Variants in RP1 observed in about 807,000 individuals in gnomAD.
RP1 encodes the protein oxygen-regulated protein 1.
A neutral mutation model predicts 14.8 loss-of-function variants in RP1; 16 were observed. The observed-to-expected ratio is 1.08, with a 90% CI of 0.73 to 1.65. The LOEUF is 1.65. RP1 is among the 40% of genes most tolerant of loss of function. RP1 has a pLI of 0.00. For missense variants in RP1, 2,631 were observed against 2,535.0 expected (o/e 1.04, Z -0.81); for synonymous variants, 876 against 883.6 (o/e 0.99, Z 0.15).
At chr8:54,690,222 C>T (rs1314751061) in intron 12 of RP1, among the ~76,000 whole-genome samples, 1 of 151,974 alleles carries the variant, frequency 6.6e-6, no homozygotes, top group African/African-American at 2.4e-5. Flanking sequence ...GAGGTCATTG[C>T]TAATAGTTAA....
At chr8:54,659,469 C>T (rs972837239) in intron 6 of RP1, among the ~76,000 whole-genome samples, 21 of 152,120 alleles carry the variant, frequency 1.4e-4, no homozygotes, top group Non-Finnish European at 1.9e-4. Flanking sequence ...GTTTAGTCAA[C>T]ACCATTTATC....
downstream of RP1, among the ~76,000 whole-genome samples, chr8:54,772,063 G>A (rs1809923387): frequency 6.6e-6 from 1 of 152,060 alleles, no homozygotes; most frequent in Non-Finnish European, 1.5e-5. Flanking sequence ...GTACAATTAT[G>A]CACCATTACT....
intron 23 of RP1, among the ~76,000 whole-genome samples, chr8:54,781,722 G>A (rs1241200698): frequency 6.6e-6 from 1 of 152,018 alleles, no homozygotes; most frequent in African/African-American, 2.4e-5. Flanking sequence ...ATTTTTAAAG[G>A]ATGAAATATA....
chr8:54,812,802 T>TATCTATCTATCTATC (rs1563383909), intron 24 of RP1, among the ~76,000 whole-genome samples: 1 of 148,882 alleles, frequency 6.7e-6, no homozygotes. Context: ...TCTATCTATC[T>TATCTATCTATCTATC]ATCTATCTCT....
At chr8:54,752,276 T>C (rs567747086) in intron 19 of RP1, among the ~76,000 whole-genome samples, 1 of 152,298 alleles carries the variant, frequency 6.6e-6, no homozygotes, top group East Asian at 1.9e-4. Flanking sequence ...TACATAAATG[T>C]AATAAAGATT....
intron 15 of RP1, among the ~76,000 whole-genome samples, chr8:54,711,653 T>C (rs1311666142): frequency 6.6e-6 from 1 of 152,194 alleles, no homozygotes; most frequent in African/African-American, 2.4e-5. Flanking sequence ...CTGCAGCAGG[T>C]CTTCACCTAA....
chr8:54,699,563 C>T (rs1483873854), exon 13 of RP1: 111 of 1,368,182 alleles, frequency 8.1e-5, no homozygotes, highest in Non-Finnish European at 1.0e-4. Flanking sequence ...GGCATTGTCA[C>T]TGGAATGGTG....
intron 1 of RP1, among the ~76,000 whole-genome samples, chr8:54,573,363 T>C (rs1470790149): frequency 6.6e-6 from 1 of 152,116 alleles, no homozygotes; most frequent in Non-Finnish European, 1.5e-5. Context: ...ATCACTATTG[T>C]GAAAAGAGAG....
chr8:54,726,461 C>G (rs1006909794), exon 17 of RP1: 1 of 1,529,700 alleles, frequency 6.5e-7, no homozygotes, highest in Non-Finnish European at 8.7e-7. Context: ...GAGTCCCTTA[C>G]CTTCTTCAAC....
chr8:54,763,583 G>A (rs1236177686), intron 22 of RP1, among the ~76,000 whole-genome samples: 7 of 152,228 alleles, frequency 4.6e-5, no homozygotes, highest in African/African-American at 9.7e-5. Context: ...GGGAGGCTGA[G>A]GCAGGAGAAT....
At chr8:54,718,892 A>T (rs1478898356) in intron 15 of RP1, among the ~76,000 whole-genome samples, 1 of 152,202 alleles carries the variant, frequency 6.6e-6, no homozygotes, top group Non-Finnish European at 1.5e-5. Flanking sequence ...CAGTACAGTT[A>T]TTCTGTATGC....
chr8:54,821,001 C>T (rs554538642), intron 24 of RP1, among the ~76,000 whole-genome samples: 58 of 152,156 alleles, frequency 3.8e-4, no homozygotes, highest in Admixed American at 2.1e-3. Flanking sequence ...GAAACAAAAA[C>T]ACAAAGCAGA....
intron 19 of RP1, among the ~76,000 whole-genome samples, chr8:54,747,883 C>T (rs974927070): frequency 6.6e-5 from 10 of 152,236 alleles, no homozygotes; most frequent in Admixed American, 2.0e-4. Flanking sequence ...GAATTAGTAG[C>T]GAGATAAGGC....
At chr8:54,851,205 A>G (rs1386037724) in intron 25 of RP1, among the ~76,000 whole-genome samples, 1 of 152,174 alleles carries the variant, frequency 6.6e-6, no homozygotes, top group African/African-American at 2.4e-5. Flanking sequence ...GCATGATTTC[A>G]TTAGGGCCGT....
Position 54,828,416 on chromosome 8 carries a change from G to T in RP1, c.3616-9034G>T, listed in dbSNP as rs377397476. Among the ~76,000 whole-genome samples, 76 of 152,200 alleles carry T rather than the reference G, an allele frequency of 5.0e-4. 3 individuals carry two copies. The South Asian group carries it at 0.015, about 30-fold the overall frequency. The stretch of plus-strand genomic sequence containing the variant: ...GAGTTCCTGCTCTTAATTCTCAAGA[G>T]AACTAGTTGGTAGAAAGACCTTGAC... On this transcript the variant is annotated intron_variant, in intron 24 of 28. Coordinates refer to the RP1 transcript ENST00000637698.
At chr8:54,748,928 T>G (rs1041044268) in intron 19 of RP1, among the ~76,000 whole-genome samples, 2 of 152,202 alleles carry the variant, frequency 1.3e-5, no homozygotes, top group African/African-American at 4.8e-5. Context: ...TTTCTCATCC[T>G]AATATATTCT....
chr8:54,561,965 A>G (rs192574130), intron 1 of RP1: 52 of 152,348 alleles, frequency 3.4e-4, no homozygotes, highest in African/African-American at 1.2e-3. Flanking sequence ...AAATTTTTGT[A>G]GTATTTCAGG....
At chr8:54,636,368 G>A (rs1363626657) in intron 3 of RP1, among the ~76,000 whole-genome samples, 1 of 152,184 alleles carries the variant, frequency 6.6e-6, no homozygotes, top group African/African-American at 2.4e-5. Context: ...TGAATTTCTG[G>A]CAAGGGCAAG....
chr8:54,730,220 T>C (rs1808760707), intron 17 of RP1, among the ~76,000 whole-genome samples: 1 of 152,116 alleles, frequency 6.6e-6, no homozygotes, highest in Admixed American at 6.5e-5. Context: ...GTCAATATCT[T>C]CTTCTATAAA....
Sources: allele counts gnomAD v4.1 joint callset (sites outside exome capture counted in the v4.1 genomes callset), GRCh38; gene constraint gnomAD v4.1.1; transcripts MANE v1.5; gene names NCBI Gene and HGNC (gene_info 2026-07-23, HGNC 2026-07-21).